The following SLC14A2 variants were observed in gnomAD, a reference collection of about 807,000 sequenced individuals.
SLC14A2 encodes the protein solute carrier family 14 member 2.
Under a neutral mutation model 104.6 loss-of-function variants are expected in SLC14A2, and 91 were observed. The observed-to-expected ratio is 0.87, with a 90% CI of 0.73 to 1.04. The LOEUF is 1.04. Ranked by LOEUF, SLC14A2 falls within the 50% of genes least tolerant of loss-of-function variation. The pLI is 0.00. For synonymous variants in SLC14A2, 476 were observed against 466.4 expected, an observed-to-expected ratio of 1.02 and a Z score of -0.27; for missense variants, 1,189 against 1,156.0, an observed-to-expected ratio of 1.03 and a Z score of -0.41.
rs555791471 is a variant in SLC14A2, at chr18:45,219,132, C to T, written c.-125+5941C>T. On this transcript the variant is annotated intron_variant, in intron 1 of 20. Transcript: ENST00000586448. Reference sequence around the variant, plus strand: ...GATCCATAGACAAATAAATTTGCCTCAATTTTCCCATCATTAGGACAAAGT... The same window carrying T: ...GATCCATAGACAAATAAATTTGCCTTAATTTTCCCATCATTAGGACAAAGT... 2.6e-5 allele frequency among the ~76,000 whole-genome samples: 4 copies of T among 152,278 alleles called. No homozygotes were observed. The East Asian group carries it at 7.7e-4, about 29-fold the overall frequency.
chr18:45,422,173 G>A (rs905175419), intron 1 of SLC14A2, among the ~76,000 whole-genome samples: 3 of 152,176 alleles, frequency 2.0e-5, no homozygotes, highest in African/African-American at 7.2e-5. Flanking sequence ...CTAATGAGGT[G>A]TTGGAAGACT....
chr18:45,174,906 A>C, the SLC14A2 span, among the ~76,000 whole-genome samples: 12 of 152,328 alleles, frequency 7.9e-5, no homozygotes, highest in African/African-American at 2.4e-4. Flanking sequence ...AATGGAAATG[A>C]AAATCACACT....
At chr18:45,458,670 C>T (rs1265215377) in intron 1 of SLC14A2, among the ~76,000 whole-genome samples, 3 of 152,142 alleles carry the variant, frequency 2.0e-5, no homozygotes, top group African/African-American at 7.2e-5. Flanking sequence ...CTAGTCCAGC[C>T]TCCTCTTTTC....
chr18:45,455,319 A>T (rs1419140991), intron 1 of SLC14A2, among the ~76,000 whole-genome samples: 1 of 152,198 alleles, frequency 6.6e-6, no homozygotes, highest in Admixed American at 6.5e-5. Context: ...GCAGCCATAA[A>T]GTAGGATGAG....
intron 10 of SLC14A2, among the ~76,000 whole-genome samples, chr18:45,660,888 G>A (rs1355257878): frequency 6.6e-6 from 1 of 152,224 alleles, no homozygotes; most frequent in Non-Finnish European, 1.5e-5. Flanking sequence ...ACAGACTTGA[G>A]AAGTTTGCTA....
intron 1 of SLC14A2, among the ~76,000 whole-genome samples, chr18:45,360,175 C>T (rs978800184): frequency 1.3e-5 from 2 of 152,186 alleles, no homozygotes; most frequent in East Asian, 3.9e-4. Flanking sequence ...CATATACTTC[C>T]TTCCCTGATG....
At chr18:45,281,176 A>T (rs984183131) in intron 1 of SLC14A2, among the ~76,000 whole-genome samples, 2 of 152,180 alleles carry the variant, frequency 1.3e-5, no homozygotes, top group Non-Finnish European at 2.9e-5. Context: ...ACGTCTGAAC[A>T]CTTGCTATTT....
chr18:45,201,443 T>C, the SLC14A2 span, among the ~76,000 whole-genome samples: 1 of 152,172 alleles, frequency 6.6e-6, no homozygotes, highest in East Asian at 1.9e-4. Context: ...TGGATATTTA[T>C]TTTACTTCAC....
chr18:45,172,534 CATTT>C, the SLC14A2 span, among the ~76,000 whole-genome samples: 2 of 152,094 alleles, frequency 1.3e-5, no homozygotes, highest in African/African-American at 2.4e-5. Context: ...TCAATTCACT[CATTT>C]ATTTATCAGT....
At chr18:45,518,022 CATA>C (rs747822440) in intron 2 of SLC14A2, among the ~76,000 whole-genome samples, 37 of 151,180 alleles carry the variant, frequency 2.4e-4, no homozygotes, top group African/African-American at 8.6e-4. Context: ...ATCTTAACTC[CATA>C]ATAATAATAA....
chr18:45,224,212 C>A (rs1253871241), intron 1 of SLC14A2, among the ~76,000 whole-genome samples: 1 of 152,236 alleles, frequency 6.6e-6, no homozygotes, highest in Admixed American at 6.5e-5. Flanking sequence ...GCAGCCAAAG[C>A]CTCTTGGCTG....
At chr18:45,311,558 G>A (rs745938388) in intron 1 of SLC14A2, among the ~76,000 whole-genome samples, 1 of 152,192 alleles carries the variant, frequency 6.6e-6, no homozygotes, top group Non-Finnish European at 1.5e-5. Context: ...TCTAAGCAGA[G>A]GTGAGTTAAA....
intron 2 of SLC14A2, among the ~76,000 whole-genome samples, chr18:45,504,828 T>A (rs1157667354): frequency 6.6e-6 from 1 of 152,198 alleles, no homozygotes; most frequent in Non-Finnish European, 1.5e-5. Context: ...TCTGTGGACA[T>A]TAGTTGGATC....
chr18:45,320,495 C>A (rs2085174205), intron 1 of SLC14A2, among the ~76,000 whole-genome samples: 1 of 152,128 alleles, frequency 6.6e-6, no homozygotes, highest in Non-Finnish European at 1.5e-5. Flanking sequence ...TCATGATGGT[C>A]TTTTTTGGCA....
rs552840659 is a variant in SLC14A2 at position 45,275,073 on chromosome 18, A to G, written c.-125+61882A>G. The stretch of plus-strand genomic sequence containing the variant: ...AATACTTTATTTAAATCAAAACATT[A>G]TAGAACATAGAGCTTGGAAAGGGGT... On this transcript the variant is annotated intron_variant, in intron 1 of 20. Transcript: ENST00000586448. Among the ~76,000 whole-genome samples, 28 of 152,344 alleles carry G rather than the reference A, an allele frequency of 1.8e-4. No individual in the cohort carries two copies. In the South Asian group the frequency reaches 5.6e-3, roughly 30 times the overall value.
chr18:45,593,585 G>A (rs1042825114), intron 2 of SLC14A2, among the ~76,000 whole-genome samples: 2 of 148,406 alleles, frequency 1.3e-5, no homozygotes, highest in African/African-American at 5.0e-5. Context: ...TGCCTCCCGG[G>A]TTCACGCCGT....
At chr18:45,446,129 C>G (rs922424621) in intron 1 of SLC14A2, among the ~76,000 whole-genome samples, 10 of 152,090 alleles carry the variant, frequency 6.6e-5, no homozygotes, top group African/African-American at 2.2e-4. Context: ...TAAGTGAAAC[C>G]CCTGGCACAC....
chr18:45,447,008 A>G (rs1190801801), intron 1 of SLC14A2, among the ~76,000 whole-genome samples: 2 of 152,002 alleles, frequency 1.3e-5, no homozygotes, highest in Non-Finnish European at 2.9e-5. Flanking sequence ...TCCTCTGGAA[A>G]CCTGTTTTTG....
chr18:45,516,113 A>C (rs1482098448), intron 2 of SLC14A2, among the ~76,000 whole-genome samples: 1 of 152,244 alleles, frequency 6.6e-6, no homozygotes, highest in Admixed American at 6.5e-5. Flanking sequence ...TATACCAAGC[A>C]TAAGGCTGTG....
Sources: allele counts gnomAD v4.1 joint callset (sites outside exome capture counted in the v4.1 genomes callset), GRCh38; gene constraint gnomAD v4.1.1; transcripts MANE v1.5; gene names NCBI Gene and HGNC (gene_info 2026-07-23, HGNC 2026-07-21).